Variants in FAM120A observed in about 807,000 individuals in gnomAD.
The protein encoded by FAM120A is family with sequence similarity 120 member A.
A neutral mutation model predicts 109.7 loss-of-function variants in FAM120A; 15 were observed. The observed-to-expected ratio is 0.14, with a 90% CI of 0.09 to 0.21. The LOEUF (loss-of-function observed/expected upper bound fraction) is 0.21, where lower values mean the gene tolerates loss of function less well. Among genes scored for constraint, FAM120A ranks in the 10% least tolerant of loss-of-function variants. FAM120A has a pLI of 1.00. For missense variants in FAM120A, 899 were observed against 1,439.3 expected (o/e 0.62, Z 6.07); for synonymous variants, 493 against 572.8 (o/e 0.86, Z 1.99).
intron 7 of FAM120A, among the ~76,000 whole-genome samples, chr9:93,524,975 A>G (rs1320887601): frequency 6.6e-6 from 1 of 152,212 alleles, no homozygotes; most frequent in East Asian, 1.9e-4. Context: ...AATGAAACAT[A>G]AATATATATA....
Position 93,452,944 on chromosome 9 carries a change from T to C in FAM120A, c.474+555T>C. 2 of 1,394,356 alleles carry C rather than the reference T, an allele frequency of 1.4e-6. No individual in the cohort carries two copies. The highest frequency in any genetic ancestry group is 2.8e-5 in the East Asian group (1 of 36,072). 86.4% of individuals were successfully genotyped at this position (1,394,356 alleles called of 1,614,324 possible). ...GAGACGTGTCTAAGGGCCAGTGCCCTGGCCTCTACTTCAGAACGCAGTGCC... is the reference window on the plus strand; with the variant it reads ...GAGACGTGTCTAAGGGCCAGTGCCCCGGCCTCTACTTCAGAACGCAGTGCC... On this transcript the variant is annotated intron_variant, in intron 1 of 17. Coordinates refer to ENST00000277165, the MANE Select transcript of FAM120A (RefSeq NM_014612.5). The surrounding 1 kb of genome is among the most constrained non-coding windows in gnomAD (Gnocchi z 7.0).
chr9:93,553,364 A>G (rs991550266), intron 12 of FAM120A, among the ~76,000 whole-genome samples: 3 of 152,250 alleles, frequency 2.0e-5, no homozygotes, highest in Admixed American at 6.5e-5. Context: ...AATATAAAAG[A>G]TGGAAAATGA....
At chr9:93,464,483 A>G (rs1857927037) in intron 1 of FAM120A, among the ~76,000 whole-genome samples, 1 of 152,230 alleles carries the variant, frequency 6.6e-6, no homozygotes, top group Admixed American at 6.5e-5. Flanking sequence ...GGGAGGAAGA[A>G]GCTGAGAAGT....
Position 93,462,584 on chromosome 9 carries a change from G to A in FAM120A, c.475-8557G>A, listed in dbSNP as rs754411787. On this transcript the variant is annotated intron_variant, in intron 1 of 17. Transcript: ENST00000277165. The stretch of plus-strand genomic sequence containing the variant: ...GGTGTGAGCCACCACGCCTGTCCCC[G>A]GTGGCATTAAGTATATTCACATTGT... Among the ~76,000 whole-genome samples, 47 of 152,058 alleles carry A rather than the reference G, an allele frequency of 3.1e-4. 1 individual carries two copies. Among genetic ancestry groups the A allele is most frequent in the Non-Finnish European group, 5.4e-4 (37 of 68,004 alleles).
In FAM120A at chr9:93,557,858, G is replaced by A. The variant is rs1346083999; in HGVS notation, c.2516G>A (p.Arg839His). The change falls in exon 14 of 18, where the codon CGC (arginine) becomes CAC (histidine). Residue 839 changes from arginine to histidine, a missense_variant. This residue lies in a region of FAM120A where 129 missense variants were observed against 153.4 expected (regional missense o/e 0.84). Coordinates refer to ENST00000277165, the MANE Select transcript of FAM120A (RefSeq NM_014612.5). ...CAGGCTGCCAAGGTAGAGAAGATGC[G>A]CCAGAGCGTCCTCGAGGGGCTCAGC... ...ADQAAKVEKMRQSVLEGLSFS... is the reference protein window; with the variant it reads ...ADQAAKVEKMHQSVLEGLSFS... 4 of 1,613,824 alleles carry A rather than the reference G, an allele frequency of 2.5e-6. No individual in the cohort carries two copies. Among genetic ancestry groups the A allele is most frequent in the Non-Finnish European group, 3.4e-6 (4 of 1,179,998 alleles).
At chr9:93,501,129 G>A (rs1333020259) in intron 5 of FAM120A, among the ~76,000 whole-genome samples, 4 of 152,170 alleles carry the variant, frequency 2.6e-5, no homozygotes, top group African/African-American at 7.2e-5. Flanking sequence ...AGGTGGGGCC[G>A]GCAGTCTCCT....
Position 93,452,982 on chromosome 9 carries a change from C to T in FAM120A, c.474+593C>T, listed in dbSNP as rs907436225. The T allele has an allele frequency of 2.0e-5, 27 of 1,333,016 alleles. No individual in the cohort carries two copies. The highest frequency in any genetic ancestry group is 4.5e-5 in the African/African-American group (3 of 66,358). 82.6% of individuals were successfully genotyped at this position (1,333,016 alleles called of 1,614,324 possible). A position where few individuals can be genotyped will look rare whatever the true frequency, so the allele number is the denominator to read the frequency against. On this transcript the variant is annotated intron_variant, in intron 1 of 17. Transcript: ENST00000277165. The surrounding 1 kb of genome is among the most constrained non-coding windows in gnomAD (Gnocchi z 7.0). ...AGAACGCAGTGCCCTGTCCGTGTTC[C>T]TCTTAGTACAGGGTGTTTAGAGAAT...
rs985677647 is a variant in FAM120A at position 93,451,866 on chromosome 9, C to T, written c.-50C>T. 4 of 1,074,762 alleles carry T rather than the reference C, an allele frequency of 3.7e-6. No individual in the cohort carries two copies. Among genetic ancestry groups the T allele is most frequent in the Non-Finnish European group, 4.5e-6 (4 of 886,914 alleles). The allele number at this position is 1,074,762 out of a possible 1,614,324, so 66.6% of individuals were successfully genotyped here. ...CCGCGCGCCACGGCCCCACCACCCC[C>T]GGCCCCGCCGCCCCCCGCCCGCACC... On this transcript the variant is annotated 5_prime_UTR_variant, in exon 1 of 18. Coordinates refer to ENST00000277165, the MANE Select transcript of FAM120A (RefSeq NM_014612.5).
intron 1 of FAM120A, among the ~76,000 whole-genome samples, chr9:93,465,742 T>G (rs992128090): frequency 1.3e-5 from 2 of 152,134 alleles, no homozygotes; most frequent in Non-Finnish European, 2.9e-5. Context: ...ACTGTGAACT[T>G]CATTATGGAC....
At chr9:93,496,747 A>G (rs1034729563) in intron 3 of FAM120A, among the ~76,000 whole-genome samples, 6 of 152,234 alleles carry the variant, frequency 3.9e-5, no homozygotes, top group Non-Finnish European at 8.8e-5. Flanking sequence ...GAGGATGTGG[A>G]CAGCTTTGGG....
At chr9:93,473,673 A>G (rs1321134527) in intron 2 of FAM120A, among the ~76,000 whole-genome samples, 1 of 152,244 alleles carries the variant, frequency 6.6e-6, no homozygotes, top group Non-Finnish European at 1.5e-5. Flanking sequence ...GAGTCAGTCA[A>G]CAAAATTGTG....
chr9:93,531,719 A>G (rs890809591), intron 9 of FAM120A, among the ~76,000 whole-genome samples: 6 of 152,220 alleles, frequency 3.9e-5, no homozygotes, highest in African/African-American at 1.4e-4. Context: ...TTTGACCATT[A>G]TATTTTCAGG....
At chr9:93,523,952 G>A (rs1860955560) in intron 7 of FAM120A, among the ~76,000 whole-genome samples, 1 of 152,212 alleles carries the variant, frequency 6.6e-6, no homozygotes, top group Non-Finnish European at 1.5e-5. Flanking sequence ...CTTCTGTAGG[G>A]AGATAGCACT....
Position 93,500,913 on chromosome 9 carries a change from T to A in FAM120A, c.1030+2027T>A, listed in dbSNP as rs1029353764. ...ATAGAATGGGGTCATTATGTGAATATTAAAAGAGAAGGCGTATGTAAGGTG... is the reference window on the plus strand; with the variant it reads ...ATAGAATGGGGTCATTATGTGAATAATAAAAGAGAAGGCGTATGTAAGGTG... On this transcript the variant is annotated intron_variant, in intron 5 of 17. Coordinates refer to ENST00000277165, the MANE Select transcript of FAM120A (RefSeq NM_014612.5). This position sits in a 1 kb window ranked among gnomAD's most constrained non-coding sequence, Gnocchi z 4.6. Among the ~76,000 whole-genome samples, 1 of 152,232 alleles carries A rather than the reference T, an allele frequency of 6.6e-6. No homozygotes were observed.
At chr9:93,530,885 T>G (rs1024226328) in intron 9 of FAM120A, 4 of 152,250 alleles carry the variant, frequency 2.6e-5, no homozygotes, top group Non-Finnish European at 4.4e-5. Context: ...CTACCTGTTA[T>G]GTCCACACTG....
Position 93,516,149 on chromosome 9 carries a change from G to A in FAM120A, c.1298G>A (p.Arg433Gln). The A allele has an allele frequency of 3.1e-6, 5 of 1,614,010 alleles. No individual in the cohort carries two copies. The highest frequency in any genetic ancestry group is 4.5e-5 in the East Asian group (2 of 44,872). The change falls in exon 7 of 18, where the codon CGG becomes CAG. Residue 433 changes from arginine to glutamine, a missense_variant. By Grantham distance (43) the Arg-to-Gln change is conservative. Around this residue, in one of 11 missense-constraint regions of FAM120A, gnomAD observed 31 missense variants for 71.8 expected, o/e 0.43. Transcript: ENST00000277165. Reference sequence around the variant, plus strand: ...GGGAAGCACACGCCGCTGTATGAGCGGTCCTCGCCCATCAACCCGGCCCAG... The same window carrying A: ...GGGAAGCACACGCCGCTGTATGAGCAGTCCTCGCCCATCAACCCGGCCCAG... Reference protein sequence around the residue: ...HEGKHTPLYERSSPINPAQSG... With the variant: ...HEGKHTPLYEQSSPINPAQSG...
At chr9:93,478,925 T>C (rs1162152977) in intron 3 of FAM120A, among the ~76,000 whole-genome samples, 1 of 152,174 alleles carries the variant, frequency 6.6e-6, no homozygotes, top group Non-Finnish European at 1.5e-5. Context: ...CCACCTGCTA[T>C]TTTAGTCTCT....
At chr9:93,550,531 G>A in intron 11 of FAM120A, 46 bp from the exon 12 acceptor site, 3 of 1,464,820 alleles carry the variant, frequency 2.0e-6, no homozygotes, top group Non-Finnish European at 2.9e-6. Flanking sequence ...TATATGACGG[G>A]CGACCACTCA....
At chr9:93,471,725 A>C (rs183232726) in intron 2 of FAM120A, among the ~76,000 whole-genome samples, 13 of 152,338 alleles carry the variant, frequency 8.5e-5, no homozygotes, top group Middle Eastern at 3.4e-3. Context: ...TAAACCTTTG[A>C]CATAAATTAT....
Sources: allele counts gnomAD v4.1 joint callset (sites outside exome capture counted in the v4.1 genomes callset), GRCh38; gene constraint gnomAD v4.1.1; regional missense constraint gnomAD v4.1.1; non-coding constraint Gnocchi (gnomAD v3.1); transcripts MANE v1.5; gene names NCBI Gene and HGNC (gene_info 2026-07-23, HGNC 2026-07-21).